The following MBNL3 variants were observed in gnomAD, a reference collection of about 807,000 sequenced individuals.
MBNL3 encodes muscleblind like splicing regulator 3.
In MBNL3, 6 loss-of-function variants were observed where a neutral mutation model predicts 24.5. The ratio of observed to expected loss-of-function variants is 0.25; its 90% CI spans 0.13 to 0.48. MBNL3 has a LOEUF of 0.48. Among genes scored for constraint, MBNL3 ranks in the 20% least tolerant of loss-of-function variants. The probability of loss-of-function intolerance (pLI) is 0.99; values close to 1 mark genes in which losing one functional copy is unlikely to be tolerated. For missense variants in MBNL3, 230 were observed against 293.5 expected (o/e 0.78, Z 1.58); for synonymous variants, 100 against 101.7 (o/e 0.98, Z 0.10).
chrX:132,454,260 C>T (rs915169422), intron 1 of MBNL3, among the ~76,000 whole-genome samples: 12 of 111,422 alleles, frequency 1.1e-4, no homozygotes, highest in Non-Finnish European at 2.3e-4. Context: ...CACACACACA[C>T]ACATATCAAA....
chrX:132,396,040 A>C (rs1244775209), intron 3 of MBNL3, among the ~76,000 whole-genome samples: 2 of 110,302 alleles, frequency 1.8e-5, no homozygotes, highest in Non-Finnish European at 3.8e-5. Flanking sequence ...TAAGAGAATA[A>C]TATTTAGTGA....
intron 3 of MBNL3, 84 bp from the exon 4 acceptor site, chrX:132,392,418 C>G: frequency 1.3e-6 from 1 of 752,329 alleles, no homozygotes. Context: ...TCAGAAACAT[C>G]AAAATTACTT....
chrX:132,426,585 A>G (rs1944324866), intron 2 of MBNL3, among the ~76,000 whole-genome samples: 1 of 110,607 alleles, frequency 9.0e-6, no homozygotes, highest in African/African-American at 3.3e-5. Context: ...TTCCCCCTCT[A>G]TCTTTGCTCA....
intron 7 of MBNL3, among the ~76,000 whole-genome samples, chrX:132,382,557 T>G (rs975233208): frequency 4.5e-5 from 5 of 112,273 alleles, no homozygotes; most frequent in African/African-American, 1.6e-4. Context: ...AATCCCATTG[T>G]AGTTTACTCA....
At chrX:132,396,500 CTATATATATTCATATATATTCATA>C (rs1264085816) in intron 3 of MBNL3, among the ~76,000 whole-genome samples, 9 of 58,923 alleles carry the variant, frequency 1.5e-4, no homozygotes, top group African/African-American at 7.8e-4. Flanking sequence ...ATATATATTC[CTATATATATTCATATATATTCATA>C]TATATATTCA....
At chrX:132,467,010 G>A (rs770585608) in intron 1 of MBNL3, among the ~76,000 whole-genome samples, 3 of 111,715 alleles carry the variant, frequency 2.7e-5, no homozygotes, top group Non-Finnish European at 3.8e-5. Flanking sequence ...CAGTAAGGAA[G>A]TATTTCAATA....
At chrX:132,427,925 A>ATTTTCAAATTTTTGTACAG (rs1181652729) in intron 2 of MBNL3, among the ~76,000 whole-genome samples, 2 of 111,289 alleles carry the variant, frequency 1.8e-5, no homozygotes, top group Non-Finnish European at 3.8e-5. Context: ...TGGACTTTAC[A>ATTTTCAAATTTTTGTACAG]TTTTCAAATT....
chrX:132,483,080 T>C (rs988819431), intron 1 of MBNL3, among the ~76,000 whole-genome samples: 1 of 112,785 alleles, frequency 8.9e-6, no homozygotes, highest in Admixed American at 9.3e-5. Context: ...AATGCTGACA[T>C]AAAGGAGTTG....
At chrX:132,382,641 A>C (rs1467361353) in intron 7 of MBNL3, among the ~76,000 whole-genome samples, 1 of 112,400 alleles carries the variant, frequency 8.9e-6, no homozygotes, top group African/African-American at 3.2e-5. Context: ...AGGGCTATCT[A>C]TCTGAAGCTA....
At chrX:132,447,267 G>A (rs58580779) in intron 1 of MBNL3, among the ~76,000 whole-genome samples, 8,031 of 111,576 alleles carry the variant, frequency 0.072, 692 homozygotes, top group African/African-American at 0.25. Flanking sequence ...GAAATTTAAA[G>A]TAGTTTTTTC....
At chrX:132,474,009 T>C (rs7892769) in intron 1 of MBNL3, among the ~76,000 whole-genome samples, 4,017 of 111,407 alleles carry the variant, frequency 0.036, 180 homozygotes, top group African/African-American at 0.12. Flanking sequence ...ATATTTTCTA[T>C]CAATAATCAT....
At chrX:132,408,144 T>A (rs1203211357) in intron 2 of MBNL3, among the ~76,000 whole-genome samples, 1 of 69,299 alleles carries the variant, frequency 1.4e-5, no homozygotes, top group African/African-American at 5.6e-5. Flanking sequence ...TTTTTTTTTT[T>A]TACCAATTGC....
chrX:132,389,324 T>C (rs1385976835), intron 5 of MBNL3, among the ~76,000 whole-genome samples: 1 of 111,947 alleles, frequency 8.9e-6, no homozygotes, highest in Admixed American at 9.5e-5. Flanking sequence ...TACTGTGTCC[T>C]TGAAACCATA....
chrX:132,452,958 A>T (rs897656623), intron 1 of MBNL3, among the ~76,000 whole-genome samples: 9 of 112,366 alleles, frequency 8.0e-5, no homozygotes, highest in Non-Finnish European at 7.5e-5. Flanking sequence ...AGGAGTTTTC[A>T]AGAAGAAAGG....
chrX:132,474,014 A>C (rs916323138), intron 1 of MBNL3, among the ~76,000 whole-genome samples: 4 of 111,611 alleles, frequency 3.6e-5, no homozygotes, highest in African/African-American at 1.3e-4. Context: ...TTCTATCAAT[A>C]ATCATAAGCT....
chrX:132,449,154 A>G (rs746304979), intron 1 of MBNL3, among the ~76,000 whole-genome samples: 1 of 111,660 alleles, frequency 9.0e-6, no homozygotes, highest in Non-Finnish European at 1.9e-5. Flanking sequence ...TATTAGGTCC[A>G]TTTGGTCCAG....
intron 1 of MBNL3, among the ~76,000 whole-genome samples, chrX:132,446,747 C>T (rs1945745584): frequency 8.9e-6 from 1 of 112,017 alleles, no homozygotes; most frequent in African/African-American, 3.2e-5. Context: ...TGCAGAAGCT[C>T]TTTAGTTTAA....
chrX:132,445,767 A>G (rs939705171), intron 1 of MBNL3, among the ~76,000 whole-genome samples: 2 of 111,787 alleles, frequency 1.8e-5, no homozygotes, highest in Admixed American at 9.5e-5. Flanking sequence ...AGAACTTGCT[A>G]ATAAATGCCA....
intron 3 of MBNL3, among the ~76,000 whole-genome samples, chrX:132,398,417 A>T (rs1940220220): frequency 9.0e-6 from 1 of 111,719 alleles, no homozygotes; most frequent in South Asian, 3.7e-4. Flanking sequence ...ACCACCGTGT[A>T]ATAATAATGG....
Sources: gnomAD v4.1 joint callset for allele counts (sites outside exome capture counted in the v4.1 genomes callset) on GRCh38, gnomAD v4.1.1 for gene constraint, MANE v1.5 for transcripts, NCBI Gene and HGNC (gene_info 2026-07-23, HGNC 2026-07-21) for gene names.